Variants in TLL2 observed in about 807,000 individuals in gnomAD.
TLL2 encodes the protein tolloid like 2, also known as tolloid-like protein 2.
A neutral mutation model predicts 123.0 loss-of-function variants in TLL2; 106 were observed. The observed-to-expected ratio is 0.86, with a 90% CI of 0.74 to 1.01. The LOEUF (loss-of-function observed/expected upper bound fraction) is 1.01, where lower values mean the gene tolerates loss of function less well. TLL2 is among the 50% of genes least tolerant of loss of function. TLL2 has a pLI of 0.00. For missense variants in TLL2, 1,332 were observed against 1,336.7 expected (o/e 1.00, Z 0.06); for synonymous variants, 494 against 516.8 (o/e 0.96, Z 0.60).
intron 7 of TLL2, among the ~76,000 whole-genome samples, chr10:96,416,756 G>C (rs762605188): frequency 3.9e-5 from 6 of 152,226 alleles, no homozygotes; most frequent in African/African-American, 1.2e-4. Context: ...GCTTCCAGCT[G>C]TTTACTACAA....
intron 5 of TLL2, among the ~76,000 whole-genome samples, chr10:96,426,113 G>A (rs1377946588): frequency 6.6e-6 from 1 of 152,032 alleles, no homozygotes; most frequent in Non-Finnish European, 1.5e-5. Context: ...GTATTGTACA[G>A]GTGCCTTTTA....
chr10:96,478,919 T>C (rs1847284784), intron 2 of TLL2, among the ~76,000 whole-genome samples: 2 of 152,142 alleles, frequency 1.3e-5, no homozygotes, highest in Admixed American at 6.5e-5. Flanking sequence ...TTGAGATACA[T>C]GAAGTTCACT....
At chr10:96,509,251 C>T (rs947290555) in intron 1 of TLL2, among the ~76,000 whole-genome samples, 18 of 152,202 alleles carry the variant, frequency 1.2e-4, no homozygotes, top group African/African-American at 4.3e-4. Context: ...AGACAAGCCT[C>T]CCCTGCTGTG....
At chr10:96,442,754 T>C (rs764934456) in intron 3 of TLL2, among the ~76,000 whole-genome samples, 7 of 152,086 alleles carry the variant, frequency 4.6e-5, no homozygotes, top group African/African-American at 7.2e-5. Flanking sequence ...AGCCGCCGTC[T>C]TCCTTCCTGT....
chr10:96,438,527 G>A (rs1416912652), intron 3 of TLL2, among the ~76,000 whole-genome samples: 1 of 152,188 alleles, frequency 6.6e-6, no homozygotes, highest in Non-Finnish European at 1.5e-5. Context: ...TTGGTTCTAG[G>A]AGGTTTTTGG....
At position 96,391,131 on chromosome 10, in the gene TLL2, C is replaced by T. The variant is rs76378877; in HGVS notation, c.1727-4053G>A. Among the ~76,000 whole-genome samples the T allele has an allele frequency of 9.8e-3, 1,487 of 152,248 alleles. 58 individuals are homozygous for T. Among genetic ancestry groups the T allele is most frequent in the East Asian group, 0.069 (357 of 5,180 alleles). Reference sequence around the variant, plus strand: ...TGTGGTCGCTCACCCACTCTTCTTCCAGAGAGTCTTGCAAGGGAGGCAGAG... The same window carrying T: ...TGTGGTCGCTCACCCACTCTTCTTCTAGAGAGTCTTGCAAGGGAGGCAGAG... On this transcript the variant is annotated intron_variant, in intron 13 of 20. Coordinates refer to ENST00000357947, the MANE Select transcript of TLL2 (RefSeq NM_012465.4).
intron 2 of TLL2, among the ~76,000 whole-genome samples, chr10:96,469,886 C>T (rs772576572): frequency 1.2e-4 from 19 of 152,054 alleles, no homozygotes; most frequent in Admixed American, 2.6e-4. Flanking sequence ...GCTGTGGGGT[C>T]GATCCCAGGG....
Position 96,370,283 on chromosome 10 carries a change from T to C in TLL2, c.2695A>G (p.Thr899Ala), listed in dbSNP as rs757877776. 1.9e-6 allele frequency: 3 copies of C among 1,600,554 alleles called. No homozygotes were observed. Among genetic ancestry groups the C allele is most frequent in the Non-Finnish European group, 1.7e-6 (2 of 1,172,598 alleles). ...TGGGCGTGGGAATAGAGCTCTTTGG[T>C]CTGCACTTCAGCCTTCAGCCTGCCC... ...CGGRLKAEVQ[T>A]KELYSHAQFG... The change falls in exon 20 of 21, where the codon ACC becomes GCC. Residue 899 changes from threonine (T) to alanine (A), a missense_variant. By Grantham distance (58) the Thr-to-Ala change is moderately conservative. Transcript: ENST00000357947.
At chr10:96,376,894 G>A (rs1846143617) in intron 17 of TLL2, 75 bp from the exon 18 acceptor site, 27 of 1,428,588 alleles carry the variant, frequency 1.9e-5, no homozygotes, top group Non-Finnish European at 2.5e-5. Context: ...TTCTAGGGGG[G>A]TCTCCTCCCC....
chr10:96,376,953 C>T, intron 17 of TLL2, 134 bp from the exon 18 acceptor site: 1 of 811,222 alleles, frequency 1.2e-6, no homozygotes. Flanking sequence ...GGTGGGGTAT[C>T]CTGAATCAGG....
chr10:96,491,382 CAAA>C (rs56077935), intron 1 of TLL2, among the ~76,000 whole-genome samples: 57,256 of 129,716 alleles, frequency 0.44, 12,168 homozygotes, highest in East Asian at 0.71. Flanking sequence ...AACTCTGTCT[CAAA>C]AAAAAAAAAA....
intron 2 of TLL2, among the ~76,000 whole-genome samples, chr10:96,462,023 G>A (rs188104127): frequency 2.6e-5 from 4 of 152,368 alleles, no homozygotes; most frequent in Admixed American, 2.0e-4. Flanking sequence ...ATATGTCCAG[G>A]TGAAGTGGAC....
At chr10:96,476,800 T>C (rs1431152992) in intron 2 of TLL2, among the ~76,000 whole-genome samples, 2 of 151,118 alleles carry the variant, frequency 1.3e-5, no homozygotes, top group Non-Finnish European at 2.9e-5. Context: ...AAGTGTTAAG[T>C]AAAAAATTCA....
chr10:96,393,861 A>C (rs1035532788), intron 13 of TLL2, among the ~76,000 whole-genome samples: 1 of 152,032 alleles, frequency 6.6e-6, no homozygotes, highest in Non-Finnish European at 1.5e-5. Context: ...AATAGGAAAA[A>C]ATAACAGCCC....
intron 2 of TLL2, among the ~76,000 whole-genome samples, chr10:96,478,642 A>G (rs1847282420): frequency 6.6e-6 from 1 of 152,262 alleles, no homozygotes; most frequent in African/African-American, 2.4e-5. Flanking sequence ...AGAATACTGC[A>G]TAACAATGAA....
chr10:96,376,366 T>C (rs1469995914), intron 18 of TLL2, among the ~76,000 whole-genome samples: 4 of 152,236 alleles, frequency 2.6e-5, no homozygotes, highest in African/African-American at 9.7e-5. Flanking sequence ...ATCATGAGAC[T>C]GTATTGTCTT....
chr10:96,487,801 G>A (rs61857634), intron 1 of TLL2, among the ~76,000 whole-genome samples: 55,132 of 151,950 alleles, frequency 0.36, 10,272 homozygotes, highest in Middle Eastern at 0.52. Context: ...GTCCCGCAGC[G>A]GCTTCCTAAG....
At chr10:96,423,165 A>G (rs555197060) in intron 5 of TLL2, among the ~76,000 whole-genome samples, 1 of 151,834 alleles carries the variant, frequency 6.6e-6, no homozygotes, top group South Asian at 2.1e-4. Flanking sequence ...ACAGAATTTC[A>G]GAAGTGAAAG....
At chr10:96,389,638 C>T (rs927364638) in intron 13 of TLL2, among the ~76,000 whole-genome samples, 1 of 152,112 alleles carries the variant, frequency 6.6e-6, no homozygotes, top group African/African-American at 2.4e-5. Flanking sequence ...GACAGATAGA[C>T]AAAGGACCAA....
Sources: gnomAD v4.1 joint callset for allele counts (sites outside exome capture counted in the v4.1 genomes callset) on GRCh38, gnomAD v4.1.1 for gene constraint, MANE v1.5 for transcripts, NCBI Gene and HGNC (gene_info 2026-07-23, HGNC 2026-07-21) for gene names.